Variants in GATB observed in about 807,000 individuals in gnomAD.
The protein encoded by GATB is glutamyl-tRNA amidotransferase subunit B.
GATB carries 39 observed loss-of-function variants against 62.3 expected under a neutral mutation model. That is an observed-to-expected ratio of 0.63 (90% confidence interval 0.48 to 0.82). GATB has a LOEUF of 0.82. Among genes scored for constraint, GATB ranks in the 40% least tolerant of loss-of-function variants. The pLI is 0.00. For missense variants in GATB, 670 were observed against 684.0 expected (o/e 0.98, Z 0.23); for synonymous variants, 276 against 258.9 (o/e 1.07, Z -0.63).
chr4:151,721,986 G>T, intron 2 of GATB: 3 of 563,850 alleles, frequency 5.3e-6, no homozygotes, highest in African/African-American at 1.9e-5. Flanking sequence ...TTTTTTTGAT[G>T]ATTTAGAAGC....
intron 2 of GATB, among the ~76,000 whole-genome samples, chr4:151,755,223 A>C (rs1739803692): frequency 6.6e-6 from 1 of 152,210 alleles, no homozygotes; most frequent in Non-Finnish European, 1.5e-5. Flanking sequence ...ACTGATGCAA[A>C]GAAGATTAAG....
At position 151,671,093 on chromosome 4, in the gene GATB, G is replaced by A. The variant is rs1737847749; in HGVS notation, c.*81C>T. The A allele has an allele frequency of 1.3e-6, 2 of 1,492,256 alleles. No homozygotes were observed. The highest frequency in any genetic ancestry group is 1.9e-6 in the Non-Finnish European group (2 of 1,078,746). The allele number at this position is 1,492,256 out of a possible 1,614,324, so 92.4% of individuals were successfully genotyped here. On this transcript the variant is annotated 3_prime_UTR_variant, in exon 13 of 13. Transcript: ENST00000263985. ...GAGAGGCAGCTCTCAGGGCACATGG[G>A]CATCAGCTTTCACAGGATCCTGTTC...
In GATB at chr4:151,670,818, A is replaced by C; in HGVS notation, c.*356T>G. On this transcript the variant is annotated 3_prime_UTR_variant, in exon 13 of 13. Transcript: ENST00000263985. ...TTGCTCAAAAATATTTGTTGAAGGAACTGCAGAATGAAAAGTTTTCTTAGA... is the reference window on the plus strand; with the variant it reads ...TTGCTCAAAAATATTTGTTGAAGGACCTGCAGAATGAAAAGTTTTCTTAGA... 2.2e-5 allele frequency: 4 copies of C among 183,750 alleles called. No homozygotes were observed. Among genetic ancestry groups the C allele is most frequent in the Non-Finnish European group, 4.6e-5 (4 of 87,324 alleles). 11.4% of individuals were successfully genotyped at this position (183,750 alleles called of 1,614,324 possible).
intron 11 of GATB, chr4:151,677,641 T>C (rs1158988287): frequency 6.6e-6 from 1 of 152,186 alleles, no homozygotes; most frequent in Non-Finnish European, 1.5e-5. Flanking sequence ...CATCAACTGA[T>C]GAATGGACAG....
intron 5 of GATB, among the ~76,000 whole-genome samples, chr4:151,709,729 C>T (rs1738781147): frequency 6.6e-6 from 1 of 151,986 alleles, no homozygotes. Context: ...CAACACAGTT[C>T]CCTCCTTGTC....
intron 2 of GATB, among the ~76,000 whole-genome samples, chr4:151,735,318 G>A (rs1739350764): frequency 1.3e-5 from 2 of 150,720 alleles, no homozygotes; most frequent in East Asian, 1.9e-4. Flanking sequence ...ATATACAAAT[G>A]GCCAACAAAC....
chr4:151,714,258 T>G (rs1410551113), intron 5 of GATB, among the ~76,000 whole-genome samples: 26 of 152,206 alleles, frequency 1.7e-4, no homozygotes. Context: ...CACAGCACCC[T>G]GGGTGTCCAC....
At chr4:151,755,204 T>G (rs977786956) in intron 2 of GATB, among the ~76,000 whole-genome samples, 1 of 152,204 alleles carries the variant, frequency 6.6e-6, no homozygotes, top group African/African-American at 2.4e-5. Flanking sequence ...TATCTCCATT[T>G]TATAAGAAAC....
At chr4:151,672,072 T>G (rs561975517) in intron 12 of GATB, among the ~76,000 whole-genome samples, 23 of 152,300 alleles carry the variant, frequency 1.5e-4, no homozygotes, top group Admixed American at 4.6e-4. Flanking sequence ...TTTACAGAGC[T>G]GTGAGTGTCC....
chr4:151,681,354 A>C (rs1471457240), intron 10 of GATB, among the ~76,000 whole-genome samples: 1 of 152,218 alleles, frequency 6.6e-6, no homozygotes, highest in Non-Finnish European at 1.5e-5. Flanking sequence ...GGTTTGGAGA[A>C]TATCTGGTGT....
chr4:151,747,330 T>G (rs937902880), intron 2 of GATB, among the ~76,000 whole-genome samples: 2 of 152,234 alleles, frequency 1.3e-5, no homozygotes, highest in African/African-American at 2.4e-5. Context: ...TGCCACCAAC[T>G]GGAGGGGTTG....
intron 9 of GATB, among the ~76,000 whole-genome samples, chr4:151,690,887 G>A (rs770862677): frequency 6.6e-6 from 1 of 152,192 alleles, no homozygotes; most frequent in Non-Finnish European, 1.5e-5. Context: ...TAGCGAGTGG[G>A]GCTGAAGGAG....
chr4:151,694,044 T>C lies in GATB; in HGVS notation c.1198-5281A>G, dbSNP rs547424475. ...TGTGTTGTCAAGAAATCAATTCCAA[T>C]TGTAGTCACGTTCCAACGCACCTAA... On this transcript the variant is annotated intron_variant, in intron 9 of 12. Coordinates refer to ENST00000263985, the MANE Select transcript of GATB (RefSeq NM_004564.3). Among the ~76,000 whole-genome samples, 56 of 152,242 alleles carry C rather than the reference T, an allele frequency of 3.7e-4. 1 individual carries two copies. Among genetic ancestry groups the C allele is most frequent in the Admixed American group, 1.7e-3 (26 of 15,294 alleles).
intron 2 of GATB, among the ~76,000 whole-genome samples, chr4:151,747,084 G>A (rs924246190): frequency 6.6e-6 from 1 of 152,134 alleles, no homozygotes; most frequent in Admixed American, 6.5e-5. Flanking sequence ...GTTAGAATAA[G>A]TGAATACATA....
intron 10 of GATB, among the ~76,000 whole-genome samples, chr4:151,682,597 A>G (rs2126957445): frequency 6.6e-6 from 1 of 152,072 alleles, no homozygotes; most frequent in African/African-American, 2.4e-5. Flanking sequence ...CAAAGCTCCA[A>G]AATTTGTCCA....
intron 2 of GATB, among the ~76,000 whole-genome samples, chr4:151,750,435 C>G (rs574780151): frequency 6.7e-5 from 10 of 148,150 alleles, no homozygotes; most frequent in Admixed American, 6.0e-4. Context: ...GACAATCCTT[C>G]CTTAATCTGG....
At chr4:151,713,426 C>T (rs1021743874) in intron 5 of GATB, among the ~76,000 whole-genome samples, 3 of 152,126 alleles carry the variant, frequency 2.0e-5, no homozygotes, top group Non-Finnish European at 2.9e-5. Context: ...TGAGCTATTC[C>T]CAAGGCCTTT....
intron 2 of GATB, among the ~76,000 whole-genome samples, chr4:151,727,137 T>A (rs1056853792): frequency 2.6e-5 from 4 of 152,220 alleles, no homozygotes; most frequent in Non-Finnish European, 5.9e-5. Context: ...CCCAGGCTGC[T>A]CTTGAACTCC....
intron 2 of GATB, among the ~76,000 whole-genome samples, chr4:151,726,017 A>G (rs972336328): frequency 1.3e-5 from 2 of 152,232 alleles, no homozygotes; most frequent in African/African-American, 4.8e-5. Flanking sequence ...CCTCTCAGGC[A>G]TCAAAACAAA....
Sources: gnomAD v4.1 joint callset for allele counts (sites outside exome capture counted in the v4.1 genomes callset) on GRCh38, gnomAD v4.1.1 for gene constraint, MANE v1.5 for transcripts, NCBI Gene and HGNC (gene_info 2026-07-23, HGNC 2026-07-21) for gene names.